FRS2: variants seen among roughly 807,000 people sequenced by gnomAD.
FRS2 encodes the protein FGFR signalling adaptor.
FRS2 carries 8 observed loss-of-function variants against 43.9 expected under a neutral mutation model. The ratio of observed to expected loss-of-function variants is 0.18; its 90% CI spans 0.11 to 0.33. The LOEUF (loss-of-function observed/expected upper bound fraction) is 0.33, where lower values mean the gene tolerates loss of function less well. FRS2 is among the 10% of genes least tolerant of loss of function. The probability of loss-of-function intolerance (pLI) is 1.00; values close to 1 mark genes in which losing one functional copy is unlikely to be tolerated. For synonymous variants in FRS2, 219 were observed against 220.3 expected (o/e 0.99, Z 0.05); for missense variants, 534 against 627.6 (o/e 0.85, Z 1.59).
At chr12:69,545,120 CTA>C (rs1217329887) in intron 3 of FRS2, among the ~76,000 whole-genome samples, 2 of 152,068 alleles carry the variant, frequency 1.3e-5, no homozygotes, top group African/African-American at 2.4e-5. Flanking sequence ...ACAATGAAAA[CTA>C]TGAAACATTG....
At chr12:69,509,934 G>GA (rs1454096007) in intron 1 of FRS2, among the ~76,000 whole-genome samples, 1 of 152,044 alleles carries the variant, frequency 6.6e-6, no homozygotes, top group Non-Finnish European at 1.5e-5. Flanking sequence ...ATTTTATTAA[G>GA]AATTTATTGG....
chr12:69,480,702 C>A (rs2075203006), intron 1 of FRS2, among the ~76,000 whole-genome samples: 1 of 152,190 alleles, frequency 6.6e-6, no homozygotes, highest in African/African-American at 2.4e-5. Flanking sequence ...CTTCTTAAGA[C>A]TATCATCCTT....
At chr12:69,497,714 G>T (rs1873035982) in intron 1 of FRS2, among the ~76,000 whole-genome samples, 1 of 152,228 alleles carries the variant, frequency 6.6e-6, no homozygotes, top group South Asian at 2.1e-4. Flanking sequence ...ATTCGGGAGA[G>T]AACATTTCAA....
Position 69,515,121 on chromosome 12 carries a change from A to G in FRS2, c.-260-15744A>G, listed in dbSNP as rs574826483. Among the ~76,000 whole-genome samples, 149 of 152,384 alleles carry G rather than the reference A, an allele frequency of 9.8e-4. 1 individual carries two copies. In the South Asian group the frequency reaches 0.015, roughly 16 times the overall value. On this transcript the variant is annotated intron_variant, in intron 1 of 8. Transcript: ENST00000549921. ...TGCCCAAGATTGTACAGTTAGTGAT[A>G]GCAGTGTTGGGATATAAATTCAGAG...
intron 1 of FRS2, among the ~76,000 whole-genome samples, chr12:69,526,311 C>A (rs1234354964): frequency 6.6e-6 from 1 of 152,174 alleles, no homozygotes; most frequent in Admixed American, 6.5e-5. Context: ...TATAATAAGG[C>A]TACATTTCCT....
chr12:69,538,026 A>ATAC (rs1877476244), intron 3 of FRS2: 3 of 152,300 alleles, frequency 2.0e-5, no homozygotes, highest in Non-Finnish European at 4.4e-5. Context: ...GGATTTTGGG[A>ATAC]TTTGCAACTG....
chr12:69,559,256 T>C (rs915132906), intron 3 of FRS2, among the ~76,000 whole-genome samples: 5 of 152,266 alleles, frequency 3.3e-5, no homozygotes, highest in Admixed American at 2.0e-4. Context: ...GTTTTACTTA[T>C]GTTTTATAGA....
chr12:69,573,129 G>A (rs148780472), intron 8 of FRS2, among the ~76,000 whole-genome samples: 2 of 152,124 alleles, frequency 1.3e-5, no homozygotes, highest in Non-Finnish European at 2.9e-5. Flanking sequence ...CACTGTGCCC[G>A]ACCCTTGTAA....
intron 1 of FRS2, among the ~76,000 whole-genome samples, chr12:69,485,037 G>A (rs900300853): frequency 3.5e-4 from 48 of 137,636 alleles, no homozygotes; most frequent in Non-Finnish European, 3.4e-4. Context: ...CTTGAACCCA[G>A]GAGTTCAACA....
chr12:69,500,121 A>G (rs1396386041), intron 1 of FRS2, among the ~76,000 whole-genome samples: 1 of 152,064 alleles, frequency 6.6e-6, no homozygotes, highest in Non-Finnish European at 1.5e-5. Context: ...ATAGTTGGCA[A>G]TGGCAACATT....
chr12:69,505,113 C>G (rs1873807544), intron 1 of FRS2, among the ~76,000 whole-genome samples: 1 of 152,204 alleles, frequency 6.6e-6, no homozygotes, highest in South Asian at 2.1e-4. Context: ...CCCACCTTGG[C>G]CTCCCAAAGT....
chr12:69,514,745 A>G (rs1874815100), intron 1 of FRS2, among the ~76,000 whole-genome samples: 1 of 152,060 alleles, frequency 6.6e-6, no homozygotes, highest in Non-Finnish European at 1.5e-5. Context: ...AGGCAGGAGA[A>G]TCATTTGAAC....
intron 1 of FRS2, among the ~76,000 whole-genome samples, chr12:69,474,447 A>G (rs572833252): frequency 1.3e-5 from 2 of 152,266 alleles, no homozygotes; most frequent in African/African-American, 4.8e-5. Context: ...CTTCTGTTTT[A>G]AATGGCATCT....
intron 1 of FRS2, among the ~76,000 whole-genome samples, chr12:69,481,462 G>A (rs1307335618): frequency 1.3e-5 from 2 of 151,072 alleles, no homozygotes; most frequent in African/African-American, 4.9e-5. Context: ...TAAGATTTTT[G>A]TAGAGATGGT....
rs755821616 is a variant in FRS2, at chr12:69,573,991, CTGTTT to C, written c.577-7_577-3del. ...TTAAGTAAGTTAACTAATTCACTTT[CTGTTT>C]TGTTTTAGGTACATACCTATGTCAA... On this transcript the variant is annotated splice_polypyrimidine_tract_variant and intron_variant, in intron 8 of 8. Transcript: ENST00000549921. The C allele has an allele frequency of 2.6e-6, 4 of 1,532,674 alleles. No homozygotes were observed. In the African/African-American group the frequency reaches 4.2e-5, roughly 16 times the overall value. 94.9% of individuals were successfully genotyped at this position (1,532,674 alleles called of 1,614,324 possible).
rs116897621 is a variant in FRS2, at chr12:69,532,220, G to A, written c.-122+164G>A. Among the ~76,000 whole-genome samples, 972 of 152,238 alleles carry A rather than the reference G, an allele frequency of 6.4e-3. 6 individuals carry two copies. Among genetic ancestry groups the A allele is most frequent in the Non-Finnish European group, 0.011 (751 of 68,020 alleles). On this transcript the variant is annotated intron_variant, in intron 3 of 8. Coordinates refer to ENST00000549921, the MANE Select transcript of FRS2 (RefSeq NM_001278356.2). ...TGTTTTACTATGTCAGAATTTGCTAGCAAGACACAGATCATCTTGTTTGAA... is the reference window on the plus strand; with the variant it reads ...TGTTTTACTATGTCAGAATTTGCTAACAAGACACAGATCATCTTGTTTGAA...
chr12:69,521,465 A>C (rs1044124140), intron 1 of FRS2, among the ~76,000 whole-genome samples: 2 of 152,152 alleles, frequency 1.3e-5, no homozygotes, highest in Non-Finnish European at 2.9e-5. Context: ...GCAAGAGGGC[A>C]TCCTTGTTTT....
In FRS2 at chr12:69,514,276, C is replaced by G. The variant is rs562064106; in HGVS notation, c.-260-16589C>G. ...ACATTGCATAATTCCCATGAGGATG[C>G]CAGTACCATCTAGAGACAGACGGAT... On this transcript the variant is annotated intron_variant, in intron 1 of 8. Coordinates refer to ENST00000549921, the MANE Select transcript of FRS2 (RefSeq NM_001278356.2). Among the ~76,000 whole-genome samples, 3 of 152,282 alleles carry G rather than the reference C, an allele frequency of 2.0e-5. No homozygotes were observed. The South Asian group carries it at 6.2e-4, about 32-fold the overall frequency.
At chr12:69,558,536 G>A (rs557585508) in intron 3 of FRS2, among the ~76,000 whole-genome samples, 1 of 152,268 alleles carries the variant, frequency 6.6e-6, no homozygotes, top group South Asian at 2.1e-4. Context: ...GGAGGAGGCC[G>A]TGTTGTTTTA....
Sources: gnomAD v4.1 joint callset for allele counts (sites outside exome capture counted in the v4.1 genomes callset) on GRCh38, gnomAD v4.1.1 for gene constraint, MANE v1.5 for transcripts, NCBI Gene and HGNC (gene_info 2026-07-23, HGNC 2026-07-21) for gene names.